Variants in PCBP3 observed in about 807,000 individuals in gnomAD.
PCBP3 encodes the protein poly(rC)-binding protein 3.
In PCBP3, 25 loss-of-function variants were observed where a neutral mutation model predicts 52.7. The ratio of observed to expected loss-of-function variants is 0.47; its 90% CI spans 0.35 to 0.66. PCBP3 has a LOEUF of 0.66. PCBP3 is among the 30% of genes least tolerant of loss of function. PCBP3 has a pLI of 0.01. For synonymous variants in PCBP3, 162 were observed against 183.0 expected (o/e 0.89, Z 0.93); for missense variants, 391 against 490.3 (o/e 0.80, Z 1.91).
intron 11 of PCBP3, 74 bp from the exon 12 acceptor site, chr21:45,913,877 G>A (rs1032851635): frequency 1.7e-5 from 24 of 1,391,784 alleles, no homozygotes; most frequent in African/African-American, 8.5e-5. Context: ...GGGGTGGGCC[G>A]GGGCACGCCT....
chr21:45,912,760 C>T (rs561644055), intron 11 of PCBP3, among the ~76,000 whole-genome samples: 1 of 152,304 alleles, frequency 6.6e-6, no homozygotes, highest in Admixed American at 6.5e-5. Context: ...CGAGGCTGGG[C>T]ATCTCCAGGA....
chr21:45,877,392 A>G (rs868012903), intron 5 of PCBP3, among the ~76,000 whole-genome samples: 6 of 152,324 alleles, frequency 3.9e-5, no homozygotes, highest in Middle Eastern at 3.4e-3. Flanking sequence ...CTAGGGCAGT[A>G]TTCATTTTAC....
chr21:45,799,681 G>A (rs1161420615), intron 4 of PCBP3, among the ~76,000 whole-genome samples: 2 of 151,914 alleles, frequency 1.3e-5, no homozygotes, highest in South Asian at 2.1e-4. Context: ...GGACGGCCAG[G>A]CCAAGGTATC....
At chr21:45,823,781 G>A (rs965983364) in intron 4 of PCBP3, among the ~76,000 whole-genome samples, 12 of 151,502 alleles carry the variant, frequency 7.9e-5, no homozygotes, top group African/African-American at 1.2e-4. Flanking sequence ...CCTTTCTGTC[G>A]CCCAGTTTGG....
chr21:45,785,347 C>A (rs1053549265), intron 4 of PCBP3, among the ~76,000 whole-genome samples: 1 of 148,376 alleles, frequency 6.7e-6, no homozygotes, highest in African/African-American at 2.5e-5. Context: ...GTGGGGGGGT[C>A]AGCCCCCCGC....
rs2092353512 is a variant in PCBP3, at chr21:45,802,746, G to T, written c.-125-47215G>T. Reference sequence around the variant, plus strand: ...GGGCATCGTGTCCCCAAGGACCCCAGGCAGGGCCTCCAGGGCTGGTGCTGG... The same window carrying T: ...GGGCATCGTGTCCCCAAGGACCCCATGCAGGGCCTCCAGGGCTGGTGCTGG... On this transcript the variant is annotated intron_variant, in intron 4 of 17. Coordinates refer to ENST00000681687, the MANE Select transcript of PCBP3 (RefSeq NM_001384156.1). The surrounding 1 kb of genome is among the most constrained non-coding windows in gnomAD (Gnocchi z 5.1). Among the ~76,000 whole-genome samples, 1 of 152,168 alleles carries T rather than the reference G, an allele frequency of 6.6e-6. No individual in the cohort carries two copies. The highest frequency in any genetic ancestry group is 1.5e-5 in the Non-Finnish European group (1 of 68,032).
Position 45,741,910 on chromosome 21 carries a change from C to T in PCBP3, c.-162+6481C>T, listed in dbSNP as rs1290575216. Among the ~76,000 whole-genome samples, 1 of 152,166 alleles carries T rather than the reference C, an allele frequency of 6.6e-6. No homozygotes were observed. Among genetic ancestry groups the T allele is most frequent in the African/African-American group, 2.4e-5 (1 of 41,450 alleles). On this transcript the variant is annotated intron_variant, in intron 3 of 17. Transcript: ENST00000681687. The surrounding 1 kb of genome is among the most constrained non-coding windows in gnomAD (Gnocchi z 4.5). ...TGGTGAGCGCCTCTTGCCCAGTGCCCTGGGGGCGGTGGGGAAATTCCAGTC... is the reference window on the plus strand; with the variant it reads ...TGGTGAGCGCCTCTTGCCCAGTGCCTTGGGGGCGGTGGGGAAATTCCAGTC...
chr21:45,659,361 G>C (rs897346342), intron 1 of PCBP3, among the ~76,000 whole-genome samples: 1 of 16,450 alleles, frequency 6.1e-5, no homozygotes, highest in Non-Finnish European at 1.3e-4. Flanking sequence ...TTTTTTTTTT[G>C]AGACAGGGCC....
chr21:45,900,585 T>C lies in PCBP3; in HGVS notation c.190-6T>C. 1.2e-6 allele frequency: 2 copies of C among 1,603,976 alleles called. No homozygotes were observed. The highest frequency in any genetic ancestry group is 1.7e-6 in the Non-Finnish European group (2 of 1,173,406). ...CTTTTCCTTATTGTCTAAATCTTTATTCCAGAAAGGAGAAACTGTGAAGAA... is the reference window on the plus strand; with the variant it reads ...CTTTTCCTTATTGTCTAAATCTTTACTCCAGAAAGGAGAAACTGTGAAGAA... On this transcript the variant is annotated splice_region_variant and splice_polypyrimidine_tract_variant and intron_variant, in intron 7 of 17. Transcript: ENST00000681687.
intron 3 of PCBP3, among the ~76,000 whole-genome samples, chr21:45,754,181 A>G (rs2087809032): frequency 6.6e-6 from 1 of 152,192 alleles, no homozygotes; most frequent in South Asian, 2.1e-4. Flanking sequence ...GTGGCATAGA[A>G]AAAGCTCGGA....
chr21:45,782,861 G>A (rs2090747621), intron 4 of PCBP3, among the ~76,000 whole-genome samples: 1 of 152,208 alleles, frequency 6.6e-6, no homozygotes, highest in African/African-American at 2.4e-5. Flanking sequence ...ACAATCTCGT[G>A]GTGGGCACAG....
At chr21:45,739,586 G>GC (rs398036502) in intron 3 of PCBP3, among the ~76,000 whole-genome samples, 11,475 of 27,834 alleles carry the variant, frequency 0.41, 3,566 homozygotes, top group African/African-American at 0.58. Flanking sequence ...TCCTCTGGGT[G>GC]CCCCCCCCCA....
chr21:45,657,404 C>A (rs1396518756), intron 1 of PCBP3, among the ~76,000 whole-genome samples: 1 of 152,078 alleles, frequency 6.6e-6, no homozygotes, highest in Non-Finnish European at 1.5e-5. Context: ...ACCATTTGTT[C>A]AAAAGACTAC....
intron 4 of PCBP3, among the ~76,000 whole-genome samples, chr21:45,797,271 G>A (rs796081245): frequency 1.1e-4 from 16 of 151,318 alleles, no homozygotes; most frequent in Non-Finnish European, 1.5e-4. Context: ...ATGGATGGAC[G>A]AATGCATGGA....
At chr21:45,739,586 G>GGCC (rs2086237755) in intron 3 of PCBP3, among the ~76,000 whole-genome samples, 4 of 28,012 alleles carry the variant, frequency 1.4e-4, no homozygotes, top group Admixed American at 4.6e-4. Context: ...TCCTCTGGGT[G>GGCC]CCCCCCCCCA....
rs1427183994 is a variant in PCBP3, at chr21:45,941,801, G to A, written c.*95G>A. The A allele has an allele frequency of 1.1e-6, 1 of 937,888 alleles. No homozygotes were observed. The highest frequency in any genetic ancestry group is 1.7e-5 in the African/African-American group (1 of 59,160). 58.1% of individuals were successfully genotyped at this position (937,888 alleles called of 1,614,324 possible). A position where few individuals can be genotyped will look rare whatever the true frequency, so the allele number is the denominator to read the frequency against. The stretch of plus-strand genomic sequence containing the variant: ...TACAGCCCACCTTCCCTGCCTCACA[G>A]ATACCAATAGAGAGGTTTTCTTAAT... On this transcript the variant is annotated 3_prime_UTR_variant, in exon 18 of 18. Coordinates refer to ENST00000681687, the MANE Select transcript of PCBP3 (RefSeq NM_001384156.1).
chr21:45,753,278 G>A (rs116954917), intron 3 of PCBP3, among the ~76,000 whole-genome samples: 4 of 151,658 alleles, frequency 2.6e-5, no homozygotes, highest in Non-Finnish European at 5.9e-5. Context: ...TTAGGTCTAC[G>A]TAAGTTTAGA....
chr21:45,717,913 T>C (rs1248554910), intron 2 of PCBP3, among the ~76,000 whole-genome samples: 1 of 152,200 alleles, frequency 6.6e-6, no homozygotes, highest in Non-Finnish European at 1.5e-5. Flanking sequence ...TGTTGTTAAT[T>C]CTTACTTAAA....
chr21:45,941,369 G>A (rs1047993127), intron 17 of PCBP3, among the ~76,000 whole-genome samples: 2 of 152,188 alleles, frequency 1.3e-5, no homozygotes, highest in South Asian at 2.1e-4. Context: ...GTGAGGCTGG[G>A]AAGGCCCTGA....
Sources: allele counts gnomAD v4.1 joint callset (sites outside exome capture counted in the v4.1 genomes callset), GRCh38; gene constraint gnomAD v4.1.1; non-coding constraint Gnocchi (gnomAD v3.1); transcripts MANE v1.5; gene names NCBI Gene and HGNC (gene_info 2026-07-23, HGNC 2026-07-21).